Variants in ASIC2 observed in about 807,000 individuals in gnomAD.
The protein encoded by ASIC2 is acid-sensing ion channel 2.
In ASIC2, 25 loss-of-function variants were observed where a neutral mutation model predicts 57.3. The ratio of observed to expected loss-of-function variants is 0.44; its 90% CI spans 0.32 to 0.61. The LOEUF is 0.61. Ranked by LOEUF, ASIC2 falls within the 20% of genes least tolerant of loss-of-function variation. ASIC2 has a pLI of 0.06. For synonymous variants in ASIC2, 319 were observed against 307.5 expected, an observed-to-expected ratio of 1.04 and a Z score of -0.39; for missense variants, 641 against 738.1, an observed-to-expected ratio of 0.87 and a Z score of 1.52.
At chr17:34,058,745 G>C (rs1480144564) in intron 1 of ASIC2, among the ~76,000 whole-genome samples, 3 of 152,176 alleles carry the variant, frequency 2.0e-5, no homozygotes, top group Non-Finnish European at 2.9e-5. Flanking sequence ...AGGAGGGGAG[G>C]GGAGGAGAGC....
rs1256475253 is a variant in ASIC2, at chr17:33,112,023, C to G, written c.753G>C (p.Glu251Asp). 4 of 1,613,938 alleles carry G rather than the reference C, an allele frequency of 2.5e-6. No homozygotes were observed. Among genetic ancestry groups the G allele is most frequent in the Non-Finnish European group, 3.4e-6 (4 of 1,179,990 alleles). ...CCGTGGTGAGCAGAGGTTTGCCATC[C>G]TCGCCTGAGTTAAACATGTAACACT... The part of the protein sequence containing the change: ...YGKCYMFNSG[E>D]DGKPLLTTVK... The change falls in exon 2 of 10, where the codon GAG becomes GAC. Residue 251 changes from glutamate (E) to aspartate (D), a missense_variant. Glu to Asp is a conservative substitution (Grantham distance 45, BLOSUM62 2). This residue lies in a region of ASIC2 where 382 missense variants were observed against 398.0 expected (regional missense o/e 0.96). Coordinates refer to ENST00000225823, the MANE Select transcript of ASIC2 (RefSeq NM_183377.2).
At chr17:33,738,454 C>G (rs1293333595) in intron 1 of ASIC2, among the ~76,000 whole-genome samples, 1 of 152,170 alleles carries the variant, frequency 6.6e-6, no homozygotes, top group African/African-American at 2.4e-5. Context: ...AATATACATG[C>G]ACCAGCCTAT....
chr17:33,885,192 C>G (rs562658583), intron 1 of ASIC2, among the ~76,000 whole-genome samples: 1 of 152,322 alleles, frequency 6.6e-6, no homozygotes, highest in African/African-American at 2.4e-5. Flanking sequence ...TCCTGCTGTC[C>G]TGTGTATGTA....
chr17:33,510,659 A>T (rs12948405), intron 1 of ASIC2, among the ~76,000 whole-genome samples: 94,122 of 151,062 alleles, frequency 0.62, 29,693 homozygotes, highest in Middle Eastern at 0.7. Flanking sequence ...TAAATTTTTT[A>T]AAAAAAAGAA....
At chr17:33,340,048 G>C (rs2142235815) in intron 1 of ASIC2, among the ~76,000 whole-genome samples, 1 of 152,266 alleles carries the variant, frequency 6.6e-6, no homozygotes, top group South Asian at 2.1e-4. Context: ...CTTTGAAAGT[G>C]GGCTTTCTAG....
At chr17:33,525,361 T>G (rs113853830) in intron 1 of ASIC2, among the ~76,000 whole-genome samples, 10,573 of 152,244 alleles carry the variant, frequency 0.069, 581 homozygotes, top group East Asian at 0.29. Flanking sequence ...GCTGTTTGTG[T>G]GAGGCTACCA....
In ASIC2 at chr17:33,310,739, C is replaced by T. The variant is rs113215831; in HGVS notation, c.556-198672G>A. Among the ~76,000 whole-genome samples, 24 of 152,246 alleles carry T rather than the reference C, an allele frequency of 1.6e-4. 1 individual carries two copies. Among genetic ancestry groups the T allele is most frequent in the African/African-American group, 9.6e-5 (4 of 41,548 alleles). ...ACAGCGTCTTCTCTTGGAACATGCA[C>T]CTGCTGATTTCAGTGATGTTTGCAG... On this transcript the variant is annotated intron_variant, in intron 1 of 9. Transcript: ENST00000359872.
At chr17:33,035,278 C>G (rs1031983641) in intron 3 of ASIC2, among the ~76,000 whole-genome samples, 1 of 152,144 alleles carries the variant, frequency 6.6e-6, no homozygotes, top group Non-Finnish European at 1.5e-5. Context: ...TTTTCTAATT[C>G]TAACATTGGG....
chr17:33,930,531 C>T (rs986854919), intron 1 of ASIC2, among the ~76,000 whole-genome samples: 2 of 152,180 alleles, frequency 1.3e-5, no homozygotes, highest in African/African-American at 4.8e-5. Context: ...GCCCACCATC[C>T]CACCATCGCT....
At chr17:33,698,663 G>A (rs1334448887) in intron 1 of ASIC2, among the ~76,000 whole-genome samples, 3 of 152,198 alleles carry the variant, frequency 2.0e-5, no homozygotes, top group Admixed American at 6.5e-5. Flanking sequence ...CACATGGGGT[G>A]TTGATGAGGT....
intron 1 of ASIC2, among the ~76,000 whole-genome samples, chr17:33,492,503 C>A (rs1913793116): frequency 6.6e-6 from 1 of 152,190 alleles, no homozygotes; most frequent in Non-Finnish European, 1.5e-5. Flanking sequence ...ATTATCCTTC[C>A]CACATAGAAA....
chr17:33,047,048 C>T (rs1009925775), intron 3 of ASIC2, among the ~76,000 whole-genome samples: 6 of 152,208 alleles, frequency 3.9e-5, no homozygotes, highest in Non-Finnish European at 5.9e-5. Flanking sequence ...GAGATGGCCT[C>T]GCAGGAAGCT....
At chr17:33,895,058 C>G (rs1915060298) in intron 1 of ASIC2, among the ~76,000 whole-genome samples, 1 of 152,134 alleles carries the variant, frequency 6.6e-6, no homozygotes, top group Admixed American at 6.5e-5. Context: ...TCTGCCTTTA[C>G]TTAAATATGT....
At chr17:33,418,023 T>TGTGC (rs1910913794) in intron 1 of ASIC2, among the ~76,000 whole-genome samples, 1 of 36,422 alleles carries the variant, frequency 2.7e-5, no homozygotes, top group African/African-American at 7.2e-5. Context: ...TCTCAGCATG[T>TGTGC]ATGTATGTGT....
intron 1 of ASIC2, among the ~76,000 whole-genome samples, chr17:34,152,241 C>T (rs952860873): frequency 6.6e-6 from 1 of 152,096 alleles, no homozygotes; most frequent in Non-Finnish European, 1.5e-5. Context: ...TAAGAAATCT[C>T]AAATTTAAAA....
At chr17:33,497,389 T>C (rs1280437558) in intron 1 of ASIC2, among the ~76,000 whole-genome samples, 1 of 152,178 alleles carries the variant, frequency 6.6e-6, no homozygotes, top group African/African-American at 2.4e-5. Flanking sequence ...CCTTGGGGTA[T>C]ATAAATAGCA....
intron 1 of ASIC2, among the ~76,000 whole-genome samples, chr17:34,010,186 C>T (rs977598383): frequency 5.9e-5 from 9 of 152,286 alleles, no homozygotes; most frequent in African/African-American, 1.7e-4. Context: ...ATCACCTGGT[C>T]ATTCCTTAGG....
intron 1 of ASIC2, among the ~76,000 whole-genome samples, chr17:33,799,442 C>CTTTCTTTCTTTCTTA (rs1912052042): frequency 1.5e-5 from 1 of 68,154 alleles, no homozygotes; most frequent in African/African-American, 5.9e-5. Context: ...TTCTTTCTTT[C>CTTTCTTTCTTTCTTA]TTTCTTTCTT....
chr17:33,083,150 T>C (rs138672392), intron 3 of ASIC2, among the ~76,000 whole-genome samples: 10 of 152,176 alleles, frequency 6.6e-5, no homozygotes, highest in Non-Finnish European at 1.2e-4. Flanking sequence ...TTGGATTGAT[T>C]ATCCAGTTGT....
Sources: allele counts gnomAD v4.1 joint callset (sites outside exome capture counted in the v4.1 genomes callset), GRCh38; gene constraint gnomAD v4.1.1; regional missense constraint gnomAD v4.1.1; transcripts MANE v1.5; gene names NCBI Gene and HGNC (gene_info 2026-07-23, HGNC 2026-07-21).